The following PSPC1 variants were observed in gnomAD, a reference collection of about 807,000 sequenced individuals.
PSPC1 encodes paraspeckle component 1.
PSPC1 carries 14 observed loss-of-function variants against 51.6 expected under a neutral mutation model. The ratio of observed to expected loss-of-function variants is 0.27; its 90% confidence interval spans 0.18 to 0.42. The LOEUF (loss-of-function observed/expected upper bound fraction) is 0.42, where lower values mean the gene tolerates loss of function less well. PSPC1 is among the 10% of genes least tolerant of loss of function. PSPC1 has a pLI of 1.00. For missense variants in PSPC1, 406 were observed against 701.1 expected, an observed-to-expected ratio of 0.58 and a Z score of 4.75; for synonymous variants, 193 against 231.9, an observed-to-expected ratio of 0.83 and a Z score of 1.53.
intron 7 of PSPC1, chr13:19,675,985 T>C (rs950295499): frequency 6.6e-6 from 1 of 152,180 alleles, no homozygotes; most frequent in African/African-American, 2.4e-5. Flanking sequence ...ATAAAAGGAG[T>C]TACTTTAACT....
At chr13:19,684,951 C>T (rs1360250937) in intron 6 of PSPC1, among the ~76,000 whole-genome samples, 2 of 152,174 alleles carry the variant, frequency 1.3e-5, no homozygotes, top group Admixed American at 6.5e-5. Flanking sequence ...TAAAAAGAGA[C>T]TAAAGTCTAA....
At chr13:19,698,964 A>G (rs2137694370), downstream of PSPC1, among the ~76,000 whole-genome samples, 1 of 152,056 alleles carries the variant, frequency 6.6e-6, no homozygotes, top group Admixed American at 6.5e-5. Context: ...AAAAAAGTGT[A>G]ATCAAATAGT....
At chr13:19,736,850 G>A (rs1241739959) in intron 5 of PSPC1, 1 of 151,974 alleles carries the variant, frequency 6.6e-6, no homozygotes, top group Non-Finnish European at 1.5e-5. Flanking sequence ...AATGAATACT[G>A]GCACAATATT....
intron 6 of PSPC1, among the ~76,000 whole-genome samples, chr13:19,728,502 A>G (rs1281159181): frequency 3.3e-5 from 5 of 150,824 alleles, no homozygotes; most frequent in Admixed American, 1.3e-4. Flanking sequence ...AAAATTGTTT[A>G]ACAATTTTCT....
intron 2 of PSPC1, among the ~76,000 whole-genome samples, chr13:19,764,977 G>A (rs1887927010): frequency 6.6e-6 from 1 of 151,948 alleles, no homozygotes; most frequent in Admixed American, 6.6e-5. Flanking sequence ...AACGAAGAAT[G>A]TGTAATGATG....
intron 4 of PSPC1, among the ~76,000 whole-genome samples, chr13:19,746,015 T>G (rs576594861): frequency 7.3e-5 from 11 of 150,412 alleles, no homozygotes; most frequent in South Asian, 4.2e-4. Flanking sequence ...TTTTGTTTTT[T>G]TTTTTTTTTG....
chr13:19,708,912 C>A (rs1278497185), intron 7 of PSPC1, among the ~76,000 whole-genome samples: 1 of 152,098 alleles, frequency 6.6e-6, no homozygotes, highest in African/African-American at 2.4e-5. Context: ...CCTGGAATAT[C>A]AGCACTTTGG....
intron 4 of PSPC1, among the ~76,000 whole-genome samples, chr13:19,743,417 A>T (rs1489682133): frequency 2.6e-5 from 4 of 152,194 alleles, no homozygotes; most frequent in African/African-American, 7.2e-5. Context: ...AGGCATCATA[A>T]CCATAACAAG....
At chr13:19,672,160 T>C (rs1593496056), downstream of PSPC1, 1 of 341,728 alleles carries the variant, frequency 2.9e-6, no homozygotes, top group Non-Finnish European at 5.4e-6. Context: ...TTCTTTTTTC[T>C]GGAGACGGAG....
At chr13:19,687,969 C>A (rs1208872458) in intron 6 of PSPC1, among the ~76,000 whole-genome samples, 1 of 151,848 alleles carries the variant, frequency 6.6e-6, no homozygotes, top group Admixed American at 6.6e-5. Context: ...CAACTGTCAG[C>A]CTTTGCTCAC....
chr13:19,749,723 C>T (rs12870684), intron 4 of PSPC1, among the ~76,000 whole-genome samples: 8 of 150,862 alleles, frequency 5.3e-5, no homozygotes, highest in South Asian at 2.1e-4. Context: ...ACCGCAACCT[C>T]CACCTCCTGG....
intron 2 of PSPC1, among the ~76,000 whole-genome samples, chr13:19,771,204 C>G (rs1210522608): frequency 6.6e-6 from 1 of 152,098 alleles, no homozygotes; most frequent in Non-Finnish European, 1.5e-5. Flanking sequence ...GTGGCACAAT[C>G]TGGACTCACT....
At chr13:19,689,036 G>A (rs994555099) in intron 6 of PSPC1, among the ~76,000 whole-genome samples, 4 of 151,406 alleles carry the variant, frequency 2.6e-5, no homozygotes, top group East Asian at 1.9e-4. Flanking sequence ...GTCAGTGTGT[G>A]CACTAGCCAA....
chr13:19,736,735 A>G lies in PSPC1; in HGVS notation c.1052+4830T>C, dbSNP rs148277486. Among the ~76,000 whole-genome samples, 1,232 of 152,252 alleles carry G rather than the reference A, an allele frequency of 8.1e-3. 18 individuals carry two copies. Among genetic ancestry groups the G allele is most frequent in the African/African-American group, 0.027 (1,123 of 41,544 alleles). ...ATTACATCTGCAACAAGTATTCCACATCTCAGCCTATGATTAAATCAGCAA... is the reference window on the plus strand; with the variant it reads ...ATTACATCTGCAACAAGTATTCCACGTCTCAGCCTATGATTAAATCAGCAA... On this transcript the variant is annotated intron_variant, in intron 5 of 8. Transcript: ENST00000338910.
At chr13:19,695,945 T>A (rs1879171100) in intron 6 of PSPC1, among the ~76,000 whole-genome samples, 1 of 152,070 alleles carries the variant, frequency 6.6e-6, no homozygotes, top group South Asian at 2.1e-4. Context: ...GCCTGAGAAT[T>A]CCTCAGTTGG....
intron 6 of PSPC1, among the ~76,000 whole-genome samples, chr13:19,719,037 T>C (rs1882456541): frequency 6.6e-6 from 1 of 151,088 alleles, no homozygotes; most frequent in Non-Finnish European, 1.5e-5. Flanking sequence ...GCTATAATCA[T>C]AGGTTCATGT....
At chr13:19,713,767 T>TCC (rs919097556) in intron 6 of PSPC1, among the ~76,000 whole-genome samples, 3 of 152,120 alleles carry the variant, frequency 2.0e-5, no homozygotes, top group African/African-American at 7.2e-5. Flanking sequence ...AAAAGAGCAT[T>TCC]CCATCATTGC....
chr13:19,765,400 T>C (rs9508880), intron 2 of PSPC1, among the ~76,000 whole-genome samples: 100,866 of 147,708 alleles, frequency 0.68, 37,038 homozygotes, highest in East Asian at 0.89. Flanking sequence ...TATTTTATGA[T>C]GGAGAAAAAA....
In PSPC1 at chr13:19,711,241, G is replaced by A. The variant is rs370544573; in HGVS notation, c.1159-1642C>T. Among the ~76,000 whole-genome samples the A allele has an allele frequency of 2.0e-4, 30 of 152,280 alleles. 1 individual carries two copies. The South Asian group carries it at 4.6e-3, about 23-fold the overall frequency. ...CCTGCAAAAAAAGCTAGACTGAGGC[G>A]GGGTGCAGTGGCTCACGCCAGTAAT... is the stretch of plus-strand genomic sequence containing the variant. On this transcript the variant is annotated intron_variant, in intron 6 of 8. Coordinates refer to ENST00000338910, the MANE Select transcript of PSPC1 (RefSeq NM_001354909.2).
Sources: allele counts gnomAD v4.1 joint callset (sites outside exome capture counted in the v4.1 genomes callset), GRCh38; gene constraint gnomAD v4.1.1; transcripts MANE v1.5; gene names NCBI Gene and HGNC (gene_info 2026-07-23, HGNC 2026-07-21).